The following RPS6KC1 variants were observed in gnomAD, a reference collection of about 807,000 sequenced individuals.
The protein encoded by RPS6KC1 is ribosomal protein S6 kinase C1.
Under a neutral mutation model 103.8 loss-of-function variants are expected in RPS6KC1, and 54 were observed. The ratio of observed to expected loss-of-function variants is 0.52; its 90% CI spans 0.42 to 0.65. RPS6KC1 has a LOEUF of 0.65. Ranked by LOEUF, RPS6KC1 falls within the 30% of genes least tolerant of loss-of-function variation. The probability of loss-of-function intolerance (pLI) is 0.00; values close to 1 mark genes in which losing one functional copy is unlikely to be tolerated. For missense variants in RPS6KC1, 1,151 were observed against 1,253.8 expected (o/e 0.92, Z 1.24); for synonymous variants, 439 against 438.7 (o/e 1.00, Z -0.01).
At chr1:213,134,791 T>C (rs1180899769) in intron 6 of RPS6KC1, among the ~76,000 whole-genome samples, 3 of 152,142 alleles carry the variant, frequency 2.0e-5, no homozygotes, top group Non-Finnish European at 4.4e-5. Context: ...GCAAGTCATG[T>C]GATTTTGGTA....
At chr1:213,196,833 C>CT in intron 8 of RPS6KC1, among the ~76,000 whole-genome samples, 1 of 151,958 alleles carries the variant, frequency 6.6e-6, no homozygotes, top group Non-Finnish European at 1.5e-5. Context: ...GTCTACATGC[C>CT]TTTTTTTGTT....
chr1:213,173,228 T>A (rs527292074), intron 7 of RPS6KC1, among the ~76,000 whole-genome samples: 72 of 152,364 alleles, frequency 4.7e-4, no homozygotes, highest in Non-Finnish European at 6.0e-4. Flanking sequence ...ACAATTTTTT[T>A]ATTGATGATT....
At chr1:213,329,014 G>A in the RPS6KC1 span, among the ~76,000 whole-genome samples, 5 of 152,254 alleles carry the variant, frequency 3.3e-5, no homozygotes, top group Admixed American at 6.5e-5. Flanking sequence ...TAACCAGGGC[G>A]TGGTGCTGGT....
At chr1:213,443,370 G>C in the RPS6KC1 span, among the ~76,000 whole-genome samples, 1 of 152,174 alleles carries the variant, frequency 6.6e-6, no homozygotes, top group Non-Finnish European at 1.5e-5. Context: ...TGTGATGTCC[G>C]TGATGTTCAC....
intron 3 of RPS6KC1, among the ~76,000 whole-genome samples, chr1:213,097,674 A>G (rs2081591647): frequency 6.6e-6 from 1 of 152,222 alleles, no homozygotes; most frequent in Non-Finnish European, 1.5e-5. Flanking sequence ...TTCCAAAAGA[A>G]GGCTGTTTTA....
At chr1:213,513,950 A>G in the RPS6KC1 span, among the ~76,000 whole-genome samples, 1 of 152,116 alleles carries the variant, frequency 6.6e-6, no homozygotes, top group Non-Finnish European at 1.5e-5. Flanking sequence ...TGCTGTCTCC[A>G]TGTTGCTTGT....
At chr1:213,189,472 G>A (rs1050758852) in intron 8 of RPS6KC1, among the ~76,000 whole-genome samples, 7 of 145,166 alleles carry the variant, frequency 4.8e-5, no homozygotes, top group African/African-American at 1.8e-4. Flanking sequence ...AAAAAAAAGT[G>A]TACGTTGACA....
At chr1:213,387,187 AC>A in the RPS6KC1 span, among the ~76,000 whole-genome samples, 3 of 152,238 alleles carry the variant, frequency 2.0e-5, no homozygotes, top group Non-Finnish European at 4.4e-5. Flanking sequence ...CTCTACTGAG[AC>A]TTTATCTGTA....
At chr1:213,142,237 C>T (rs1365177601) in intron 6 of RPS6KC1, among the ~76,000 whole-genome samples, 1 of 152,038 alleles carries the variant, frequency 6.6e-6, no homozygotes, top group Non-Finnish European at 1.5e-5. Context: ...GATCTTTCTT[C>T]ATTCCTTTAC....
the RPS6KC1 span, among the ~76,000 whole-genome samples, chr1:213,569,787 CACTT>C: frequency 2.0e-5 from 3 of 152,170 alleles, no homozygotes; most frequent in Non-Finnish European, 4.4e-5. Context: ...ATCATTCCCT[CACTT>C]AATCATTCAA....
At chr1:213,671,948 A>G in the RPS6KC1 span, among the ~76,000 whole-genome samples, 1 of 128,566 alleles carries the variant, frequency 7.8e-6, no homozygotes, top group Non-Finnish European at 1.8e-5. Flanking sequence ...TATTAAAAAT[A>G]AAGCTAAAAA....
chr1:213,241,412 A>C lies in RPS6KC1; in HGVS notation c.1936A>C (p.Asn646His). 8 of 1,613,990 alleles carry C rather than the reference A, an allele frequency of 5.0e-6. No homozygotes were observed. Among genetic ancestry groups the C allele is most frequent in the Non-Finnish European group, 5.9e-6 (7 of 1,179,948 alleles). ...PDGDSASRSF[N>H]TSESKVEFKA... ...TGGAGACAGTGCTTCTAGGAGTTTT[A>C]ATACTAGTGAAAGCAAGGTAGAGTT... is the stretch of plus-strand genomic sequence containing the variant. The change falls in exon 11 of 15, where the codon AAT becomes CAT. Residue 646 changes from asparagine (N) to histidine (H), a missense_variant. Asn to His is a moderately conservative substitution (Grantham distance 68, BLOSUM62 1). Coordinates refer to ENST00000366960, the MANE Select transcript of RPS6KC1 (RefSeq NM_012424.6).
chr1:213,248,057 T>C (rs2094482922), intron 12 of RPS6KC1, among the ~76,000 whole-genome samples: 1 of 152,114 alleles, frequency 6.6e-6, no homozygotes, highest in Non-Finnish European at 1.5e-5. Context: ...AAGAAAGAAA[T>C]ATTTAGATGT....
the RPS6KC1 span, among the ~76,000 whole-genome samples, chr1:213,411,071 G>T: frequency 6.6e-6 from 1 of 152,090 alleles, no homozygotes; most frequent in Non-Finnish European, 1.5e-5. Context: ...AGCAAGGAGG[G>T]GTGACAGGAG....
chr1:213,566,719 G>T, the RPS6KC1 span, among the ~76,000 whole-genome samples: 2 of 151,272 alleles, frequency 1.3e-5, no homozygotes, highest in East Asian at 3.9e-4. Flanking sequence ...CTATAACTAT[G>T]CTATAACTAT....
chr1:213,479,126 C>A, the RPS6KC1 span, among the ~76,000 whole-genome samples: 2 of 152,050 alleles, frequency 1.3e-5, no homozygotes, highest in African/African-American at 4.8e-5. Context: ...GAATATATCA[C>A]ACTTCATATC....
the RPS6KC1 span, among the ~76,000 whole-genome samples, chr1:213,594,824 C>T: frequency 5.3e-5 from 8 of 152,272 alleles, no homozygotes; most frequent in Non-Finnish European, 1.2e-4. Context: ...AGGGACAAGA[C>T]ACTGGGAGAC....
At chr1:213,482,540 GTTTTTTTTTTTTTTTT>G in the RPS6KC1 span, among the ~76,000 whole-genome samples, 1 of 61,150 alleles carries the variant, frequency 1.6e-5, no homozygotes, top group African/African-American at 6.4e-5. Context: ...CTAACTTGAG[GTTTTTTTTTTTTTTTT>G]TTTTTTTTTT....
chr1:213,217,854 G>A (rs796738290), intron 8 of RPS6KC1, among the ~76,000 whole-genome samples: 6 of 152,076 alleles, frequency 3.9e-5, no homozygotes, highest in African/African-American at 1.4e-4. Context: ...AATAAATTAG[G>A]TATTGATGGG....
Sources: allele counts gnomAD v4.1 joint callset (sites outside exome capture counted in the v4.1 genomes callset), GRCh38; gene constraint gnomAD v4.1.1; transcripts MANE v1.5; gene names NCBI Gene and HGNC (gene_info 2026-07-23, HGNC 2026-07-21).